CDH4: variants seen among roughly 807,000 people sequenced by gnomAD.
CDH4 encodes cadherin 4.
CDH4 carries 33 observed loss-of-function variants against 86.0 expected under a neutral mutation model. The ratio of observed to expected loss-of-function variants is 0.38; its 90% CI spans 0.29 to 0.51. The LOEUF (loss-of-function observed/expected upper bound fraction) is 0.51, where lower values mean the gene tolerates loss of function less well. Ranked by LOEUF, CDH4 falls within the 20% of genes least tolerant of loss-of-function variation. The pLI, the probability that CDH4 is intolerant of heterozygous loss-of-function variation, is 0.86. For missense variants in CDH4, 1,114 were observed against 1,307.4 expected, an observed-to-expected ratio of 0.85 and a Z score of 2.28; for synonymous variants, 555 against 549.4, an observed-to-expected ratio of 1.01 and a Z score of -0.14.
chr20:61,621,107 G>A (rs373417915), intron 2 of CDH4, among the ~76,000 whole-genome samples: 3 of 152,304 alleles, frequency 2.0e-5, no homozygotes, highest in South Asian at 2.1e-4. Flanking sequence ...TTAAGATGGC[G>A]CCGTCAGTAT....
chr20:61,740,020 C>T (rs2088314274), intron 2 of CDH4, among the ~76,000 whole-genome samples: 1 of 151,964 alleles, frequency 6.6e-6, no homozygotes, highest in Non-Finnish European at 1.5e-5. Flanking sequence ...CTGTTGTCCT[C>T]CTGGAATGCA....
chr20:61,760,379 C>T (rs565896744), intron 3 of CDH4, among the ~76,000 whole-genome samples: 5 of 152,350 alleles, frequency 3.3e-5, no homozygotes, highest in African/African-American at 7.2e-5. Context: ...CACAGGTGCG[C>T]GGGGAGAGGG....
chr20:61,752,904 C>T (rs2088517656), intron 3 of CDH4, among the ~76,000 whole-genome samples: 1 of 152,186 alleles, frequency 6.6e-6, no homozygotes, highest in Non-Finnish European at 1.5e-5. Context: ...CTGGGGGACA[C>T]CAGAGGGTGG....
chr20:61,582,412 T>G lies in CDH4; in HGVS notation c.170-161151T>G, dbSNP rs1226077626. 6.6e-6 allele frequency among the ~76,000 whole-genome samples: 1 copy of G among 152,212 alleles called. No homozygotes were observed. Among genetic ancestry groups the G allele is most frequent in the Non-Finnish European group, 1.5e-5 (1 of 68,020 alleles). On this transcript the variant is annotated intron_variant, in intron 2 of 15. Transcript: ENST00000614565. This position sits in a 1 kb window ranked among gnomAD's most constrained non-coding sequence, Gnocchi z 4.2. ...AGGGCCATCCCCCTGCCTGGGGCCC[T>G]GTCCGCAAGTCCTTCTCAGAACCAT...
chr20:61,412,809 G>A (rs2085126207), intron 2 of CDH4, among the ~76,000 whole-genome samples: 1 of 152,164 alleles, frequency 6.6e-6, no homozygotes, highest in African/African-American at 2.4e-5. Context: ...TGTTCTAGAT[G>A]GCCAGGCCTG....
chr20:61,553,353 A>G (rs766513183), intron 2 of CDH4, among the ~76,000 whole-genome samples: 4 of 152,226 alleles, frequency 2.6e-5, no homozygotes, highest in Non-Finnish European at 5.9e-5. Flanking sequence ...TACTGGGTTA[A>G]AAGTGAAGAT....
intron 2 of CDH4, among the ~76,000 whole-genome samples, chr20:61,589,372 G>T (rs191736116): frequency 7.4e-4 from 113 of 152,320 alleles, no homozygotes; most frequent in Admixed American, 3.5e-3. Context: ...TTTCTTCTTG[G>T]TCTGAATTTT....
chr20:61,600,876 G>A (rs1277773403), intron 2 of CDH4, among the ~76,000 whole-genome samples: 2 of 152,158 alleles, frequency 1.3e-5, no homozygotes, highest in African/African-American at 4.8e-5. Context: ...TGCGGGTGCA[G>A]AACCCGCGGG....
intron 6 of CDH4, among the ~76,000 whole-genome samples, chr20:61,862,247 A>T (rs1983364077): frequency 6.6e-6 from 1 of 152,074 alleles, no homozygotes; most frequent in Non-Finnish European, 1.5e-5. Flanking sequence ...TCCAGTTCTG[A>T]GCACAGAGAC....
Position 61,517,963 on chromosome 20 carries a change from G to A in CDH4, c.170-225600G>A, listed in dbSNP as rs1267414547. On this transcript the variant is annotated intron_variant, in intron 2 of 15. Transcript: ENST00000614565. This position sits in a 1 kb window ranked among gnomAD's most constrained non-coding sequence, Gnocchi z 6.6. The stretch of plus-strand genomic sequence containing the variant: ...CTTCTGGGGCTGATTGCCCCTGGAT[G>A]GGCCTCTCGTGTGGGGCTGGGGCAG... 6.6e-6 allele frequency among the ~76,000 whole-genome samples: 1 copy of A among 152,066 alleles called. No individual in the cohort carries two copies. The highest frequency in any genetic ancestry group is 1.5e-5 in the Non-Finnish European group (1 of 68,038).
At chr20:61,677,366 C>A (rs2087454665) in intron 2 of CDH4, among the ~76,000 whole-genome samples, 1 of 152,346 alleles carries the variant, frequency 6.6e-6, no homozygotes, top group African/African-American at 2.4e-5. Context: ...CAGCACCAGG[C>A]ACACAGAGAA....
intron 2 of CDH4, among the ~76,000 whole-genome samples, chr20:61,688,817 A>G (rs1408952721): frequency 6.6e-6 from 1 of 152,250 alleles, no homozygotes. Flanking sequence ...CATAATGCAG[A>G]AAAATTTCAC....
intron 2 of CDH4, among the ~76,000 whole-genome samples, chr20:61,367,768 G>A (rs968667716): frequency 5.3e-5 from 8 of 152,010 alleles, no homozygotes; most frequent in Admixed American, 3.9e-4. Flanking sequence ...ATTGATTCAG[G>A]TCAGAAGCCT....
At position 61,844,784 on chromosome 20, in the gene CDH4, C is replaced by T; in HGVS notation, c.693C>T (p.Val231=). Residue 231 remains valine (V), a synonymous_variant, in exon 5 of 16, where the codon GTC becomes GTT. Transcript: ENST00000614565. ...ACTCCATGTCCGGCCGGATGTACGTCACAAGGCCCATGGACCGGGAGGAGC... is the reference window on the plus strand; with the variant it reads ...ACTCCATGTCCGGCCGGATGTACGTTACAAGGCCCATGGACCGGGAGGAGC... The part of the protein sequence containing the change: ...SIDSMSGRMY[V]TRPMDREEHA... The T allele has an allele frequency of 6.2e-7, 1 of 1,613,916 alleles. No individual in the cohort carries two copies. The highest frequency in any genetic ancestry group is 8.5e-7 in the Non-Finnish European group (1 of 1,179,896).
chr20:61,416,793 G>A (rs6061861), intron 2 of CDH4, among the ~76,000 whole-genome samples: 7,101 of 152,288 alleles, frequency 0.047, 503 homozygotes, highest in African/African-American at 0.16. Context: ...TCCAGAAAGG[G>A]ACAGAGGACA....
chr20:61,459,106 AG>A (rs1236428542), intron 2 of CDH4, among the ~76,000 whole-genome samples: 1 of 151,848 alleles, frequency 6.6e-6, no homozygotes, highest in Non-Finnish European at 1.5e-5. Context: ...TGCCCTGGAG[AG>A]GCCCCAGTGG....
At chr20:61,579,650 C>T (rs1401961854) in intron 2 of CDH4, among the ~76,000 whole-genome samples, 1 of 152,052 alleles carries the variant, frequency 6.6e-6, no homozygotes, top group African/African-American at 2.4e-5. Flanking sequence ...TCCCTGAAAA[C>T]AGAGGCCACA....
At chr20:61,514,613 G>A (rs2085805096) in intron 2 of CDH4, among the ~76,000 whole-genome samples, 1 of 152,200 alleles carries the variant, frequency 6.6e-6, no homozygotes, top group Admixed American at 6.5e-5. Flanking sequence ...GGGCCTAGCA[G>A]GCCCCTAAAA....
chr20:61,753,677 G>A (rs2088525063), intron 3 of CDH4, among the ~76,000 whole-genome samples: 1 of 152,216 alleles, frequency 6.6e-6, no homozygotes, highest in Admixed American at 6.5e-5. Context: ...AATAGGACCT[G>A]TGGGTATGGT....
Sources: gnomAD v4.1 joint callset for allele counts (sites outside exome capture counted in the v4.1 genomes callset) on GRCh38, gnomAD v4.1.1 for gene constraint, Gnocchi (gnomAD v3.1) non-coding constraint, MANE v1.5 for transcripts, NCBI Gene and HGNC (gene_info 2026-07-23, HGNC 2026-07-21) for gene names.